The following CENPS variants were observed in gnomAD, a reference collection of about 807,000 sequenced individuals.
The protein encoded by CENPS is centromere protein S, also known as FANCM associated histone fold protein 1.
A neutral mutation model predicts 17.9 loss-of-function variants in CENPS; 16 were observed. That is an observed-to-expected ratio of 0.90 (90% CI 0.61 to 1.36). CENPS has a LOEUF of 1.36. Ranked by LOEUF, CENPS falls within the 40% of genes most tolerant of loss-of-function variation. CENPS has a pLI of 0.00. For synonymous variants in CENPS, 49 were observed against 55.8 expected (o/e 0.88, Z 0.54); for missense variants, 160 against 158.6 (o/e 1.01, Z -0.05).
Position 10,430,533 on chromosome 1 carries a change from G to A in CENPS, c.16G>A (p.Glu6Lys), listed in dbSNP as rs1373653843. The change falls in exon 1 of 5, where the codon GAG becomes AAG. Residue 6 changes from glutamate (E) to lysine (K), a missense_variant. Glu to Lys is a moderately conservative substitution (Grantham distance 56). Coordinates refer to ENST00000309048, the MANE Select transcript of CENPS (RefSeq NM_199294.3). MEEEAETEEQQRFSYQ... is the reference protein window; with the variant it reads MEEEAKTEEQQRFSYQ... ...GCCCGCAGTGATGGAGGAGGAGGCG[G>A]AGACCGAGGAGCAGCAGCGATTCTC... 2.6e-6 allele frequency: 4 copies of A among 1,537,756 alleles called. No homozygotes were observed. Among genetic ancestry groups the A allele is most frequent in the Non-Finnish European group, 3.5e-6 (4 of 1,142,518 alleles).
At chr1:10,435,706 T>TACACACAC (rs1405520586) in intron 3 of CENPS, among the ~76,000 whole-genome samples, 17,623 of 141,262 alleles carry the variant, frequency 0.12, 1,366 homozygotes, top group Middle Eastern at 0.24. Flanking sequence ...AAAAATAATA[T>TACACACAC]ATATATATAT....
rs569115851 is a variant in CENPS, at chr1:10,434,708, T to G, written c.209+18T>G. The G allele has an allele frequency of 6.3e-7, 1 of 1,599,308 alleles. No individual in the cohort carries two copies. The highest frequency in any genetic ancestry group is 1.4e-5 in the African/African-American group (1 of 73,748). ...TTTGCAAGGTGGGTAGAGAACTTGA[T>G]TATCCGACACTGCGTCTGTGTAGCT... On this transcript the variant is annotated intron_variant, in intron 3 of 4. Coordinates refer to ENST00000309048, the MANE Select transcript of CENPS (RefSeq NM_199294.3).
chr1:10,430,736 G>A, intron 1 of CENPS, 168 bp downstream of exon 1: 1 of 1,405,844 alleles, frequency 7.1e-7, no homozygotes, highest in South Asian at 1.6e-5. Flanking sequence ...CTGGGAGGCG[G>A]TTTCCGCGGC....
intron 3 of CENPS, 154 bp from the exon 4 acceptor site, chr1:10,440,193 T>TTTTTGTGTCAC (rs1640347664): frequency 2.0e-6 from 2 of 1,001,890 alleles, no homozygotes; most frequent in Non-Finnish European, 2.8e-6. Flanking sequence ...ACTTCACTAA[T>TTTTTGTGTCAC]TTTTGTGTCA....
chr1:10,431,838 A>AGCGAGACTCCGCGAGACTCC (rs59490056), intron 1 of CENPS, among the ~76,000 whole-genome samples: 1 of 140,168 alleles, frequency 7.1e-6, no homozygotes, highest in Admixed American at 7.2e-5. Context: ...TGGGTGACAG[A>AGCGAGACTCCGCGAGACTCC]GCGAGACTCC....
chr1:10,433,977 C>T lies in CENPS; in HGVS notation c.175+12C>T, dbSNP rs370641680. 1.5e-4 allele frequency: 248 copies of T among 1,614,000 alleles called. No individual in the cohort carries two copies. The Middle Eastern group carries it at 2.0e-3, about 13-fold the overall frequency. On this transcript the variant is annotated intron_variant, in intron 2 of 4. Transcript: ENST00000309048. ...TTTCCGACAGTGTGGTATGAAGCTT[C>T]GGCCTCCCCAGCCATGTCTGTAAAC...
At chr1:10,441,036 C>T (rs777829812) in intron 4 of CENPS, among the ~76,000 whole-genome samples, 7 of 152,218 alleles carry the variant, frequency 4.6e-5, no homozygotes, top group Middle Eastern at 3.2e-3. Context: ...TTTGTTCTCT[C>T]TCCATCTGTG....
At chr1:10,435,513 A>G (rs1490355170) in intron 3 of CENPS, among the ~76,000 whole-genome samples, 2 of 151,760 alleles carry the variant, frequency 1.3e-5, no homozygotes, top group East Asian at 3.9e-4. Context: ...ACCGCTTAGC[A>G]TCTTCAGCTT....
chr1:10,434,316 A>G (rs1640053449), intron 2 of CENPS, among the ~76,000 whole-genome samples: 1 of 152,104 alleles, frequency 6.6e-6, no homozygotes, highest in Non-Finnish European at 1.5e-5. Flanking sequence ...TAGCATTGGT[A>G]TTTGCTTGAC....
chr1:10,434,715 AC>A (rs758312665), intron 3 of CENPS, 25 bp downstream of exon 3: 74 of 1,591,456 alleles, frequency 4.6e-5, no homozygotes, highest in Non-Finnish European at 6.0e-5. Context: ...TGATTATCCG[AC>A]ACTGCGTCTG....
At chr1:10,442,101 AT>A (rs1640442257) in intron 4 of CENPS, among the ~76,000 whole-genome samples, 163 bp from the exon 5 acceptor site, 1 of 150,294 alleles carries the variant, frequency 6.7e-6, no homozygotes, top group African/African-American at 2.4e-5. Flanking sequence ...GAAAAAAAAA[AT>A]TGAAGCTGCG....
intron 3 of CENPS, among the ~76,000 whole-genome samples, chr1:10,435,712 T>TACACACACACACACACACAC (rs1157849538): frequency 2.1e-5 from 3 of 143,816 alleles, no homozygotes; most frequent in African/African-American, 5.2e-5. Context: ...AATATATATA[T>TACACACACACACACACACAC]ATATACACAC....
intron 1 of CENPS, 110 bp downstream of exon 1, chr1:10,430,678 G>A: frequency 7.0e-7 from 1 of 1,430,508 alleles, no homozygotes; most frequent in Middle Eastern, 2.5e-4. Flanking sequence ...CCGCCCCCGG[G>A]CGCCCCCCGC....
At chr1:10,432,540 G>A (rs1639967936) in intron 1 of CENPS, among the ~76,000 whole-genome samples, 1 of 152,182 alleles carries the variant, frequency 6.6e-6, no homozygotes, top group Admixed American at 6.5e-5. Context: ...TAGGCACTTG[G>A]TAGGCAGCAG....
At chr1:10,434,034 G>T in intron 2 of CENPS, 69 bp downstream of exon 2, 1 of 1,603,060 alleles carries the variant, frequency 6.2e-7, no homozygotes, top group Non-Finnish European at 8.5e-7. Context: ...GGAGCAGTGC[G>T]TGGGTGGGAG....
chr1:10,438,343 C>T (rs1640263304), intron 3 of CENPS, among the ~76,000 whole-genome samples: 1 of 152,130 alleles, frequency 6.6e-6, no homozygotes, highest in African/African-American at 2.4e-5. Context: ...CAGGGTTTCA[C>T]TGTGTTGGCC....
chr1:10,442,307 A>C lies in CENPS; in HGVS notation c.319A>C (p.Asn107His). Residue 107 changes from asparagine (N) to histidine (H), a missense_variant, in exon 5 of 5, where the codon AAC becomes CAC. Physicochemically the swap from Asn to His is moderately conservative, Grantham distance 68. Coordinates refer to ENST00000309048, the MANE Select transcript of CENPS (RefSeq NM_199294.3). ...TDKSEEIAQI[N>H]LERKAQKKKK... is the part of the protein sequence containing the mutation. ...CAAAAGTGAAGAGATTGCTCAGATTAACCTAGAACGAAAAGCACAGAAGAA... is the reference window on the plus strand; with the variant it reads ...CAAAAGTGAAGAGATTGCTCAGATTCACCTAGAACGAAAAGCACAGAAGAA... The C allele has an allele frequency of 6.2e-7, 1 of 1,603,234 alleles. No individual in the cohort carries two copies. Among genetic ancestry groups the C allele is most frequent in the South Asian group, 1.1e-5 (1 of 89,220 alleles).
rs34369229 is a variant in CENPS at position 10,441,620 on chromosome 1, C to CTTTTT, written c.277-626_277-622dup. On this transcript the variant is annotated intron_variant, in intron 4 of 4. Coordinates refer to ENST00000309048, the MANE Select transcript of CENPS (RefSeq NM_199294.3). ...TGAGCCACCGCACCTGGCTACAACT[C>CTTTTT]TTTTTTTTTTTTTTTTTTTTTTTGA... Among the ~76,000 whole-genome samples, 30 of 48,352 alleles carry CTTTTT rather than the reference C, an allele frequency of 6.2e-4. 1 individual carries two copies. Among genetic ancestry groups the CTTTTT allele is most frequent in the South Asian group, 2.1e-3 (2 of 972 alleles). The allele number at this position is 48,352 out of a possible 152,430, so 31.7% of individuals were successfully genotyped here.
intron 3 of CENPS, among the ~76,000 whole-genome samples, chr1:10,439,492 A>G (rs1640315027): frequency 6.6e-6 from 1 of 152,242 alleles, no homozygotes; most frequent in Non-Finnish European, 1.5e-5. Flanking sequence ...TCACGCCTGT[A>G]ATCCCAGCAC....
Sources: gnomAD v4.1 joint callset for allele counts (sites outside exome capture counted in the v4.1 genomes callset) on GRCh38, gnomAD v4.1.1 for gene constraint, MANE v1.5 for transcripts, NCBI Gene and HGNC (gene_info 2026-07-23, HGNC 2026-07-21) for gene names.